The following LHFPL6 variants were observed in gnomAD, a reference collection of about 807,000 sequenced individuals.
LHFPL6 encodes LHFPL tetraspan subfamily member 6 protein.
In LHFPL6, 9 loss-of-function variants were observed where a neutral mutation model predicts 20.6. That is an observed-to-expected ratio of 0.44 (90% CI 0.26 to 0.76). The LOEUF is 0.76. LHFPL6 is among the 30% of genes least tolerant of loss of function. The probability of loss-of-function intolerance (pLI) is 0.20; values close to 1 mark genes in which losing one functional copy is unlikely to be tolerated. For synonymous variants in LHFPL6, 105 were observed against 98.7 expected (o/e 1.06, Z -0.38); for missense variants, 218 against 253.5 (o/e 0.86, Z 0.95).
chr13:39,356,380 G>T (rs546992175), intron 3 of LHFPL6, among the ~76,000 whole-genome samples: 2 of 152,274 alleles, frequency 1.3e-5, no homozygotes, highest in South Asian at 4.1e-4. Flanking sequence ...GAAGTGTTGA[G>T]AGGACACTTT....
chr13:39,471,277 A>G (rs1019599934), intron 2 of LHFPL6, among the ~76,000 whole-genome samples: 1 of 152,220 alleles, frequency 6.6e-6, no homozygotes. Flanking sequence ...ATGAATTTCT[A>G]TCATTTCCAC....
chr13:39,359,048 G>A (rs1400995000), intron 3 of LHFPL6, among the ~76,000 whole-genome samples: 2 of 152,062 alleles, frequency 1.3e-5, no homozygotes, highest in Non-Finnish European at 2.9e-5. Context: ...TGTAATCCCA[G>A]CTACTCGGGA....
rs1310498680 is a variant in LHFPL6, at chr13:39,601,352, GC to G, written c.-137del. 3.7e-6 allele frequency: 3 copies of G among 813,406 alleles called. No homozygotes were observed. In the East Asian group the frequency reaches 8.0e-5, roughly 22 times the overall value. 50.4% of individuals were successfully genotyped at this position (813,406 alleles called of 1,614,324 possible). On this transcript the variant is annotated 5_prime_UTR_variant, in exon 2 of 4. The change abolishes an upstream ATG in the 5' untranslated region. Coordinates refer to ENST00000379589, the MANE Select transcript of LHFPL6 (RefSeq NM_005780.3). ...CAGAATGGATCTTCAGTCTTACTGG[GC>G]ATCAACTTTCCATCCTCTGCACTAA...
intron 2 of LHFPL6, among the ~76,000 whole-genome samples, chr13:39,564,119 C>A (rs538011773): frequency 5.3e-5 from 2 of 37,950 alleles, no homozygotes; most frequent in East Asian, 2.4e-3. Context: ...TCCTCTGGAG[C>A]ATTTTATTTT....
At chr13:39,596,290 C>A (rs1194348887) in intron 2 of LHFPL6, among the ~76,000 whole-genome samples, 1 of 152,094 alleles carries the variant, frequency 6.6e-6, no homozygotes, top group East Asian at 1.9e-4. Flanking sequence ...AGGTTTATAG[C>A]AGATTATGAC....
intron 2 of LHFPL6, among the ~76,000 whole-genome samples, chr13:39,471,322 C>T (rs1872938422): frequency 6.6e-6 from 1 of 152,196 alleles, no homozygotes; most frequent in Non-Finnish European, 1.5e-5. Flanking sequence ...AAGTCTGTCC[C>T]CTCCTTTCCA....
intron 2 of LHFPL6, among the ~76,000 whole-genome samples, chr13:39,435,532 C>A (rs1207287483): frequency 6.6e-6 from 1 of 152,092 alleles, no homozygotes; most frequent in African/African-American, 2.4e-5. Context: ...CTATATAATT[C>A]AGAATGTTAT....
intron 3 of LHFPL6, among the ~76,000 whole-genome samples, chr13:39,370,091 T>G (rs1870126699): frequency 6.6e-6 from 1 of 152,178 alleles, no homozygotes; most frequent in South Asian, 2.1e-4. Flanking sequence ...AAACTCTTCA[T>G]CTGATGGAAA....
At chr13:39,569,547 C>G (rs1168472013) in intron 2 of LHFPL6, among the ~76,000 whole-genome samples, 1 of 152,054 alleles carries the variant, frequency 6.6e-6, no homozygotes, top group Non-Finnish European at 1.5e-5. Flanking sequence ...AAGTAGATTA[C>G]CAGCAAGCAA....
intron 2 of LHFPL6, among the ~76,000 whole-genome samples, chr13:39,413,276 T>C (rs527998988): frequency 6.6e-6 from 1 of 152,360 alleles, no homozygotes; most frequent in Admixed American, 6.5e-5. Flanking sequence ...CAATATTTTA[T>C]GCCAATTCTT....
intron 2 of LHFPL6, among the ~76,000 whole-genome samples, chr13:39,451,782 C>G (rs1216255931): frequency 2.0e-5 from 3 of 152,148 alleles, no homozygotes; most frequent in Admixed American, 6.6e-5. Context: ...AAAGCATTAT[C>G]AAGTTACACC....
At chr13:39,427,881 T>C (rs148205639) in intron 2 of LHFPL6, among the ~76,000 whole-genome samples, 6 of 152,366 alleles carry the variant, frequency 3.9e-5, no homozygotes, top group African/African-American at 1.4e-4. Flanking sequence ...CTTAGTTAAT[T>C]TGATAGAGTT....
At chr13:39,451,645 G>A (rs943661354) in intron 2 of LHFPL6, among the ~76,000 whole-genome samples, 1 of 152,160 alleles carries the variant, frequency 6.6e-6, no homozygotes, top group Non-Finnish European at 1.5e-5. Flanking sequence ...ACAAAGCAGG[G>A]TCTTATAATG....
chr13:39,432,820 A>G lies in LHFPL6; in HGVS notation c.386-54294T>C, dbSNP rs555762387. 3.9e-5 allele frequency among the ~76,000 whole-genome samples: 6 copies of G among 152,332 alleles called. No individual in the cohort carries two copies. The East Asian group carries it at 1.2e-3, about 29-fold the overall frequency. ...GACCTAGAACACTGCCTACCACATA[A>G]TAAGTAGCCAATACATGGTCATTGA... On this transcript the variant is annotated intron_variant, in intron 2 of 3. Coordinates refer to ENST00000379589, the MANE Select transcript of LHFPL6 (RefSeq NM_005780.3).
At chr13:39,350,144 A>G (rs376610989) in intron 3 of LHFPL6, among the ~76,000 whole-genome samples, 2 of 152,378 alleles carry the variant, frequency 1.3e-5, no homozygotes, top group African/African-American at 4.8e-5. Context: ...CTTACTTTCC[A>G]GTTCATATCA....
At chr13:39,570,793 G>A (rs1208863857) in intron 2 of LHFPL6, among the ~76,000 whole-genome samples, 1 of 152,184 alleles carries the variant, frequency 6.6e-6, no homozygotes, top group East Asian at 1.9e-4. Context: ...ATGTGTGTGT[G>A]TGCATGGGCA....
At chr13:39,570,411 TGA>T (rs951392365) in intron 2 of LHFPL6, among the ~76,000 whole-genome samples, 10 of 152,154 alleles carry the variant, frequency 6.6e-5, no homozygotes, top group African/African-American at 2.4e-4. Flanking sequence ...CCCAAAGTGC[TGA>T]GATTACAGGC....
intron 1 of LHFPL6, 58 bp from the exon 2 acceptor site, chr13:39,601,448 G>C (rs1872944716): frequency 2.0e-5 from 8 of 404,776 alleles, no homozygotes; most frequent in Non-Finnish European, 3.5e-5. Flanking sequence ...TGATAACACT[G>C]TTTCAGCTAG....
rs1868764230 is a variant in LHFPL6, at chr13:39,487,473, AAG to A, written c.386-108949_386-108948del. Among the ~76,000 whole-genome samples the A allele has an allele frequency of 3.9e-5, 6 of 152,324 alleles. No individual in the cohort carries two copies. The South Asian group carries it at 1.2e-3, about 32-fold the overall frequency. ...ATTTTAGTGTGGCCAACTGTGAAATAAGAAAGATAATGACAACAAAAATAATA... is the reference window on the plus strand; with the variant it reads ...ATTTTAGTGTGGCCAACTGTGAAATAAAAGATAATGACAACAAAAATAATA... On this transcript the variant is annotated intron_variant, in intron 2 of 3. Transcript: ENST00000379589.
Sources: allele counts gnomAD v4.1 joint callset (sites outside exome capture counted in the v4.1 genomes callset), GRCh38; gene constraint gnomAD v4.1.1; transcripts MANE v1.5; gene names NCBI Gene and HGNC (gene_info 2026-07-23, HGNC 2026-07-21).